The following ZNF714 variants were observed in gnomAD, a reference collection of about 807,000 sequenced individuals.
ZNF714 encodes zinc finger protein 714.
ZNF714 carries 32 observed loss-of-function variants against 46.2 expected under a neutral mutation model. The ratio of observed to expected loss-of-function variants is 0.69; its 90% confidence interval spans 0.52 to 0.93. The LOEUF (loss-of-function observed/expected upper bound fraction) is 0.93, where lower values mean the gene tolerates loss of function less well. ZNF714 is among the 40% of genes least tolerant of loss of function. The pLI, the probability that ZNF714 is intolerant of heterozygous loss-of-function variation, is 0.00. For missense variants in ZNF714, 635 were observed against 646.3 expected (o/e 0.98, Z 0.19); for synonymous variants, 199 against 213.1 (o/e 0.93, Z 0.58).
intron 4 of ZNF714, among the ~76,000 whole-genome samples, chr19:21,116,154 G>T (rs1229561223): frequency 6.6e-6 from 1 of 152,032 alleles, no homozygotes; most frequent in East Asian, 1.9e-4. Flanking sequence ...AGAGATCCTG[G>T]TAGACTCTCA....
intron 2 of ZNF714, among the ~76,000 whole-genome samples, chr19:21,094,035 G>A (rs916480119): frequency 1.7e-4 from 26 of 152,344 alleles, no homozygotes; most frequent in Admixed American, 1.5e-3. Context: ...CTGTTGCCCA[G>A]ACCAGAGTGC....
At chr19:21,095,051 A>T (rs1377988313) in intron 2 of ZNF714, among the ~76,000 whole-genome samples, 1 of 151,822 alleles carries the variant, frequency 6.6e-6, no homozygotes, top group Non-Finnish European at 1.5e-5. Flanking sequence ...TGGGTATTAA[A>T]CCTTTGTCAG....
intron 4 of ZNF714, among the ~76,000 whole-genome samples, chr19:21,112,046 G>T (rs867719349): frequency 4.0e-5 from 6 of 151,698 alleles, no homozygotes; most frequent in African/African-American, 1.2e-4. Flanking sequence ...AGGTTTTTTT[G>T]TTTGTTTGTT....
At chr19:21,103,484 C>G (rs1007120968) in intron 4 of ZNF714, among the ~76,000 whole-genome samples, 1 of 152,046 alleles carries the variant, frequency 6.6e-6, no homozygotes, top group East Asian at 1.9e-4. Context: ...ACCCAGGAGG[C>G]AGAGGTTGCA....
Position 21,117,300 on chromosome 19 carries a change from C to G in ZNF714, c.636C>G (p.His212Gln), listed in dbSNP as rs183881218. ...KCEECGKAFK[H>Q]SSTLTTHKMI... Reference sequence around the variant, plus strand: ...AAGAATGTGGCAAAGCTTTTAAGCACTCCTCAACCCTTACTACACATAAGA... The same window carrying G: ...AAGAATGTGGCAAAGCTTTTAAGCAGTCCTCAACCCTTACTACACATAAGA... Residue 212 changes from histidine (H) to glutamine (Q), a missense_variant, in exon 5 of 5, where the codon CAC becomes CAG. Physicochemically the swap from His to Gln is conservative, Grantham distance 24 (BLOSUM62 0). Coordinates refer to ENST00000456283, the MANE Select transcript of ZNF714 (RefSeq NM_182515.4). The G allele has an allele frequency of 6.6e-5, 107 of 1,611,926 alleles. No individual in the cohort carries two copies. Among genetic ancestry groups the G allele is most frequent in the African/African-American group, 8.0e-5 (6 of 74,552 alleles).
At position 21,118,019 on chromosome 19, in the gene ZNF714, C is replaced by A. The variant is rs1458992186; in HGVS notation, c.1355C>A (p.Pro452His). 1.2e-6 allele frequency: 2 copies of A among 1,613,694 alleles called. No homozygotes were observed. Among genetic ancestry groups the A allele is most frequent in the Non-Finnish European group, 1.7e-6 (2 of 1,179,972 alleles). Reference sequence around the variant, plus strand: ...AAGAGAATTCACACTGGAGAGAAACCCTACAAATGTGAAGAATGTGGCAAA... The same window carrying A: ...AAGAGAATTCACACTGGAGAGAAACACTACAAATGTGAAGAATGTGGCAAA... ...THKRIHTGEK[P>H]YKCEECGKAF... Residue 452 changes from proline to histidine, a missense_variant, in exon 5 of 5, where the codon CCC becomes CAC. Transcript: ENST00000456283.
At chr19:21,116,678 G>T in intron 4 of ZNF714, 129 bp from the exon 5 acceptor site, 1 of 1,117,718 alleles carries the variant, frequency 8.9e-7, no homozygotes, top group East Asian at 2.6e-5. Context: ...TGTCTATGAA[G>T]GATTTAGGGC....
intron 2 of ZNF714, among the ~76,000 whole-genome samples, chr19:21,092,277 C>G (rs1037097006): frequency 6.6e-6 from 1 of 152,172 alleles, no homozygotes; most frequent in Non-Finnish European, 1.5e-5. Context: ...TTGACATGTG[C>G]ACACCACTCC....
At chr19:21,090,912 G>T (rs1167511098) in intron 2 of ZNF714, 2 of 123,308 alleles carry the variant, frequency 1.6e-5, no homozygotes, top group African/African-American at 6.5e-5. Flanking sequence ...TTGAGACAGG[G>T]TCGCGCTGTT....
chr19:21,099,039 C>T, intron 4 of ZNF714, 129 bp downstream of exon 4: 1 of 471,708 alleles, frequency 2.1e-6, no homozygotes, highest in Non-Finnish European at 3.6e-6. Context: ...TCTGGGAAGA[C>T]TGAATATTTT....
rs1969670524 is a variant in ZNF714, at chr19:21,119,407, A to G, written c.*1075A>G. 5.8e-6 allele frequency: 1 copy of G among 171,652 alleles called. No individual in the cohort carries two copies. The highest frequency in any genetic ancestry group is 1.3e-5 in the Non-Finnish European group (1 of 78,670). 10.6% of individuals were successfully genotyped at this position (171,652 alleles called of 1,614,324 possible). On this transcript the variant is annotated 3_prime_UTR_variant, in exon 5 of 5. Coordinates refer to ENST00000456283, the MANE Select transcript of ZNF714 (RefSeq NM_182515.4). The stretch of plus-strand genomic sequence containing the variant: ...AAGACTCCATCTAAAAAGTAAAAAA[A>G]AAAGAAAATATGAACTTTACAGTGA...
At chr19:21,089,321 C>A (rs760560977) in intron 2 of ZNF714, among the ~76,000 whole-genome samples, 23 of 152,272 alleles carry the variant, frequency 1.5e-4, no homozygotes, top group South Asian at 4.1e-4. Flanking sequence ...GACTTTTAAC[C>A]ATAGTGCTCT....
chr19:21,104,096 A>G (rs1481072248), intron 4 of ZNF714, among the ~76,000 whole-genome samples: 1 of 152,174 alleles, frequency 6.6e-6, no homozygotes, highest in Non-Finnish European at 1.5e-5. Context: ...TCATATACAT[A>G]GTGGAATCAT....
In ZNF714 at chr19:21,117,862, G is replaced by A. The variant is rs1308914445; in HGVS notation, c.1198G>A (p.Glu400Lys). The change falls in exon 5 of 5, where the codon GAA (glutamate) becomes AAA (lysine). Residue 400 changes from glutamate (E) to lysine (K), a missense_variant. Coordinates refer to ENST00000456283, the MANE Select transcript of ZNF714 (RefSeq NM_182515.4). ...TACTGGAGAGAAACCTTACAAATGT[G>A]AAGAATGTGGCAAAGCTTTTAACCA... ...IHTGEKPYKC[E>K]ECGKAFNQSS... 6.2e-7 allele frequency: 1 copy of A among 1,613,136 alleles called. No homozygotes were observed. The highest frequency in any genetic ancestry group is 1.7e-5 in the Admixed American group (1 of 60,020).
rs1969692292 is a variant in ZNF714, at chr19:21,120,889, T to C, written c.*2557T>C. ...TTGGTGGGTACATAATATGAGTATA[T>C]ATTTATGCACTTATATGGCATATTT... is the stretch of plus-strand genomic sequence containing the variant. On this transcript the variant is annotated 3_prime_UTR_variant, in exon 5 of 5. Transcript: ENST00000456283. 2.0e-5 allele frequency: 3 copies of C among 152,198 alleles called. No individual in the cohort carries two copies. Among genetic ancestry groups the C allele is most frequent in the Admixed American group, 2.0e-4 (3 of 15,282 alleles). The allele number at this position is 152,198 out of a possible 1,614,324, so 9.4% of individuals were successfully genotyped here.
At chr19:21,096,731 T>C (rs576127265) in intron 2 of ZNF714, among the ~76,000 whole-genome samples, 1 of 152,298 alleles carries the variant, frequency 6.6e-6, no homozygotes, top group African/African-American at 2.4e-5. Flanking sequence ...AAGATTCCTA[T>C]TGGGGGAAAG....
At chr19:21,111,266 C>G (rs1227990412) in intron 4 of ZNF714, among the ~76,000 whole-genome samples, 1 of 152,054 alleles carries the variant, frequency 6.6e-6, no homozygotes, top group East Asian at 1.9e-4. Flanking sequence ...TGTAGTTCTC[C>G]TTGAAGAGGT....
At chr19:21,102,576 T>C (rs1316171547) in intron 4 of ZNF714, among the ~76,000 whole-genome samples, 1 of 152,230 alleles carries the variant, frequency 6.6e-6, no homozygotes, top group East Asian at 1.9e-4. Context: ...ATTTAAAACA[T>C]AAAAATTATC....
rs749344302 is a variant in ZNF714, at chr19:21,117,141, C to A, written c.477C>A (p.His159Gln). The change falls in exon 5 of 5, where the codon CAC (histidine) becomes CAA (glutamine). Residue 159 changes from histidine to glutamine, a missense_variant. By Grantham distance (24) the His-to-Gln change is conservative. Coordinates refer to ENST00000456283, the MANE Select transcript of ZNF714 (RefSeq NM_182515.4). ...ATGAATCATTTTGCATGCTTTTACA[C>A]CTACATCAACATAAAAGAATTCATA... ...KCDESFCMLL[H>Q]LHQHKRIHIR... The A allele has an allele frequency of 8.1e-6, 13 of 1,613,924 alleles. No homozygotes were observed. Among genetic ancestry groups the A allele is most frequent in the South Asian group, 5.5e-5 (5 of 91,054 alleles).
Sources: gnomAD v4.1 joint callset for allele counts (sites outside exome capture counted in the v4.1 genomes callset) on GRCh38, gnomAD v4.1.1 for gene constraint, MANE v1.5 for transcripts, NCBI Gene and HGNC (gene_info 2026-07-23, HGNC 2026-07-21) for gene names.